The following RHOBTB2 variants were observed in gnomAD, a reference collection of about 807,000 sequenced individuals.
The protein encoded by RHOBTB2 is Rho related BTB domain containing 2.
RHOBTB2 carries 39 observed loss-of-function variants against 66.5 expected under a neutral mutation model. The ratio of observed to expected loss-of-function variants is 0.59; its 90% CI spans 0.45 to 0.77. The LOEUF is 0.77. Among genes scored for constraint, RHOBTB2 ranks in the 30% least tolerant of loss-of-function variants. The probability of loss-of-function intolerance (pLI) is 0.00; values close to 1 mark genes in which losing one functional copy is unlikely to be tolerated. For missense variants in RHOBTB2, 755 were observed against 999.1 expected (o/e 0.76, Z 3.29); for synonymous variants, 390 against 395.0 (o/e 0.99, Z 0.15).
rs1811358753 is a variant in RHOBTB2 at position 23,018,378 on chromosome 8, C to A, written c.*909C>A. On this transcript the variant is annotated 3_prime_UTR_variant, in exon 10 of 10. Coordinates refer to ENST00000251822, the MANE Select transcript of RHOBTB2 (RefSeq NM_015178.3). ...AAAACCAATGACAACCAAACTGAAA[C>A]CGAAACGAAAAATCAACAAACACTC... 1 of 152,588 alleles carries A rather than the reference C, an allele frequency of 6.6e-6. No individual in the cohort carries two copies. The highest frequency in any genetic ancestry group is 1.5e-5 in the Non-Finnish European group (1 of 68,122). 9.5% of individuals were successfully genotyped at this position (152,588 alleles called of 1,614,324 possible).
chr8:23,017,554 T>C lies in RHOBTB2; in HGVS notation c.*85T>C. Reference sequence around the variant, plus strand: ...CTCTTCCGCATCACCCCATCCACCTTACAGGGACCAGGGGGCCCACGTAAC... The same window carrying C: ...CTCTTCCGCATCACCCCATCCACCTCACAGGGACCAGGGGGCCCACGTAAC... On this transcript the variant is annotated 3_prime_UTR_variant, in exon 10 of 10. Transcript: ENST00000251822. The surrounding 1 kb of genome is among the most constrained non-coding windows in gnomAD (Gnocchi z 5.3). 6.6e-7 allele frequency: 1 copy of C among 1,525,556 alleles called. No homozygotes were observed. Among genetic ancestry groups the C allele is most frequent in the Non-Finnish European group, 8.8e-7 (1 of 1,131,954 alleles). The allele number at this position is 1,525,556 out of a possible 1,614,324, so 94.5% of individuals were successfully genotyped here.
chr8:22,950,988 T>C, the RHOBTB2 span, among the ~76,000 whole-genome samples: 1 of 152,192 alleles, frequency 6.6e-6, no homozygotes, highest in Non-Finnish European at 1.5e-5. Flanking sequence ...CTCTATTTTA[T>C]AGGCTGCTCT....
chr8:23,017,017 TCGCCCGTCTTTGGAAA>T lies in RHOBTB2; in HGVS notation c.1967-234_1967-219del, dbSNP rs761014637. On this transcript the variant is annotated intron_variant, in intron 9 of 9. Transcript: ENST00000251822. This position sits in a 1 kb window ranked among gnomAD's most constrained non-coding sequence, Gnocchi z 5.3. ...AACGCACAGGAAGCCCTTGTCTAGA[TCGCCCGTCTTTGGAAA>T]GGAACCCAGCTGGAAAGGCCTTCCC... 1.4e-4 allele frequency among the ~76,000 whole-genome samples: 21 copies of T among 152,188 alleles called. No individual in the cohort carries two copies. Among genetic ancestry groups the T allele is most frequent in the Non-Finnish European group, 2.9e-4 (20 of 68,036 alleles).
In RHOBTB2 at chr8:23,019,442, A is replaced by T. The variant is rs1359786289; in HGVS notation, c.*1973A>T. The T allele has an allele frequency of 1.3e-5, 2 of 152,338 alleles. No individual in the cohort carries two copies. Among genetic ancestry groups the T allele is most frequent in the African/African-American group, 4.8e-5 (2 of 41,458 alleles). 9.4% of individuals were successfully genotyped at this position (152,338 alleles called of 1,614,324 possible). A position where few individuals can be genotyped will look rare whatever the true frequency, so the allele number is the denominator to read the frequency against. On this transcript the variant is annotated 3_prime_UTR_variant, in exon 10 of 10. Coordinates refer to ENST00000251822, the MANE Select transcript of RHOBTB2 (RefSeq NM_015178.3). ...GCTCGGCCTCCCTGCAGCTCAGCGC[A>T]GCCCAGGGCTCCAAGTGAGGCCCAG...
Position 23,004,154 on chromosome 8 carries a change from T to G in RHOBTB2, c.-10-271T>G. On this transcript the variant is annotated intron_variant, in intron 1 of 9. Transcript: ENST00000251822. The surrounding 1 kb of genome is among the most constrained non-coding windows in gnomAD (Gnocchi z 6.4). Reference sequence around the variant, plus strand: ...CACTGGTGATCTCGCGTAGGTCTCCTTCATCCAGACGCACAGCTGGAGGAT... The same window carrying G: ...CACTGGTGATCTCGCGTAGGTCTCCGTCATCCAGACGCACAGCTGGAGGAT... 1 of 489,974 alleles carries G rather than the reference T, an allele frequency of 2.0e-6. No homozygotes were observed. The highest frequency in any genetic ancestry group is 3.9e-5 in the East Asian group (1 of 25,618). 30.4% of individuals were successfully genotyped at this position (489,974 alleles called of 1,614,324 possible). A position where few individuals can be genotyped will look rare whatever the true frequency, so the allele number is the denominator to read the frequency against.
intron 1 of RHOBTB2, among the ~76,000 whole-genome samples, chr8:23,001,603 A>C (rs1035473417): frequency 6.6e-6 from 1 of 152,228 alleles, no homozygotes. Context: ...ATTACATAAG[A>C]AGACAAATAC....
upstream of RHOBTB2, among the ~76,000 whole-genome samples, chr8:22,983,632 A>AG (rs1187585242): frequency 1.2e-4 from 19 of 152,178 alleles, no homozygotes; most frequent in African/African-American, 4.1e-4. Context: ...ACCTTGAGGG[A>AG]AAAAGGTTTT....
At chr8:22,953,947 T>G in the RHOBTB2 span, among the ~76,000 whole-genome samples, 1 of 152,250 alleles carries the variant, frequency 6.6e-6, no homozygotes, top group Non-Finnish European at 1.5e-5. Context: ...TAAAATGGTC[T>G]AAACACTTGT....
At chr8:22,957,057 G>C in the RHOBTB2 span, among the ~76,000 whole-genome samples, 2 of 152,210 alleles carry the variant, frequency 1.3e-5, no homozygotes, top group African/African-American at 4.8e-5. Flanking sequence ...GTTAGCCCTA[G>C]TCTGTTCTTC....
the RHOBTB2 span, among the ~76,000 whole-genome samples, chr8:22,953,344 T>C: frequency 1.4e-5 from 2 of 147,632 alleles, no homozygotes; most frequent in African/African-American, 4.9e-5. Flanking sequence ...TCCCTGGTGC[T>C]GGCTCCTACC....
the RHOBTB2 span, among the ~76,000 whole-genome samples, chr8:22,966,629 A>G: frequency 6.6e-6 from 1 of 152,154 alleles, no homozygotes; most frequent in South Asian, 2.1e-4. Flanking sequence ...AAAAGAAAAA[A>G]AAAAGCGGGG....
In RHOBTB2 at chr8:23,004,354, C is replaced by T. The variant is rs562445958; in HGVS notation, c.-10-71C>T. 3.3e-5 allele frequency: 43 copies of T among 1,311,976 alleles called. No individual in the cohort carries two copies. Among genetic ancestry groups the T allele is most frequent in the South Asian group, 3.1e-4 (26 of 83,134 alleles). The allele number at this position is 1,311,976 out of a possible 1,614,324, so 81.3% of individuals were successfully genotyped here. On this transcript the variant is annotated intron_variant, in intron 1 of 9. Transcript: ENST00000251822. The surrounding 1 kb of genome is among the most constrained non-coding windows in gnomAD (Gnocchi z 6.4). ...GGGGCAGCCTGGCTGAGGAGAGCTG[C>T]GGGTGCTGGCCCTGGCCCACGGCGA...
At chr8:23,015,532 T>C in intron 8 of RHOBTB2, 106 bp from the exon 9 acceptor site, 1 of 727,142 alleles carries the variant, frequency 1.4e-6, no homozygotes. Flanking sequence ...GCAGGGCCTC[T>C]GCGTGCCCTG....
At chr8:22,981,448 A>C in the RHOBTB2 span, among the ~76,000 whole-genome samples, 1 of 152,180 alleles carries the variant, frequency 6.6e-6, no homozygotes, top group Admixed American at 6.5e-5. Context: ...ACTTCAGTGG[A>C]GCCCTGAGAC....
chr8:22,993,641 G>A (rs535068623), intron 2 of RHOBTB2, among the ~76,000 whole-genome samples: 10 of 152,346 alleles, frequency 6.6e-5, no homozygotes, highest in African/African-American at 1.2e-4. Flanking sequence ...GGTTGGCACC[G>A]AGTTCATTGG....
Position 23,019,652 on chromosome 8 carries a change from G to A in RHOBTB2, c.*2183G>A, listed in dbSNP as rs541001495. The A allele has an allele frequency of 6.5e-6, 1 of 153,312 alleles. No individual in the cohort carries two copies. Among genetic ancestry groups the A allele is most frequent in the East Asian group, 1.9e-4 (1 of 5,206 alleles). The allele number at this position is 153,312 out of a possible 1,614,324, so 9.5% of individuals were successfully genotyped here. ...AGGTGCCTGAAGCGCTGAGCAACCT[G>A]GGTACCCTGGTGGGGATGCAGGGAA... On this transcript the variant is annotated 3_prime_UTR_variant, in exon 10 of 10. Coordinates refer to ENST00000251822, the MANE Select transcript of RHOBTB2 (RefSeq NM_015178.3).
the RHOBTB2 span, among the ~76,000 whole-genome samples, chr8:22,981,787 T>C: frequency 6.6e-6 from 1 of 152,180 alleles, no homozygotes; most frequent in African/African-American, 2.4e-5. Context: ...GCTGGCATAC[T>C]CTTACAGCAA....
At chr8:23,014,479 C>T (rs925499351) in intron 7 of RHOBTB2, among the ~76,000 whole-genome samples, 5 of 152,244 alleles carry the variant, frequency 3.3e-5, no homozygotes, top group Admixed American at 2.0e-4. Context: ...TGTCCTCCTT[C>T]TCTTCCTACC....
Position 22,999,945 on chromosome 8 carries a change from C to G in RHOBTB2, c.-171C>G, listed in dbSNP as rs1011086608. 2.0e-6 allele frequency: 2 copies of G among 985,424 alleles called. No individual in the cohort carries two copies. The highest frequency in any genetic ancestry group is 1.7e-5 in the African/African-American group (1 of 57,366). The allele number at this position is 985,424 out of a possible 1,614,324, so 61.0% of individuals were successfully genotyped here. ...CCCTGCCGGAGTTTCTGAGTGGCCG[C>G]GAGCTGGCCGGGAGGCTGGAGCCCA... On this transcript the variant is annotated 5_prime_UTR_variant, in exon 1 of 10. Coordinates refer to ENST00000251822, the MANE Select transcript of RHOBTB2 (RefSeq NM_015178.3).
Sources: gnomAD v4.1 joint callset for allele counts (sites outside exome capture counted in the v4.1 genomes callset) on GRCh38, gnomAD v4.1.1 for gene constraint, Gnocchi (gnomAD v3.1) non-coding constraint, MANE v1.5 for transcripts, NCBI Gene and HGNC (gene_info 2026-07-23, HGNC 2026-07-21) for gene names.